SLC26A7: variants seen among roughly 807,000 people sequenced by gnomAD.
SLC26A7 encodes the protein solute carrier family 26 member 7.
Under a neutral mutation model 82.5 loss-of-function variants are expected in SLC26A7, and 59 were observed. That is an observed-to-expected ratio of 0.72 (90% CI 0.58 to 0.89). The LOEUF (loss-of-function observed/expected upper bound fraction) is 0.89. SLC26A7 is among the 40% of genes least tolerant of loss of function. The pLI, the probability that SLC26A7 is intolerant of heterozygous loss-of-function variation, is 0.00. For missense variants in SLC26A7, 820 were observed against 793.0 expected (o/e 1.03, Z -0.41); for synonymous variants, 271 against 274.3 (o/e 0.99, Z 0.12).
intron 2 of SLC26A7, among the ~76,000 whole-genome samples, chr8:91,283,145 A>C (rs186090366): frequency 6.6e-6 from 1 of 152,182 alleles, no homozygotes; most frequent in Non-Finnish European, 1.5e-5. Context: ...ATCTGACTCA[A>C]GATTTTTATC....
At chr8:91,308,990 T>G (rs1224755561) in intron 4 of SLC26A7, among the ~76,000 whole-genome samples, 2 of 152,152 alleles carry the variant, frequency 1.3e-5, no homozygotes, top group African/African-American at 4.8e-5. Context: ...CTGGTTTGTT[T>G]TATTAGAGAA....
chr8:91,257,859 A>T (rs1336138397), intron 2 of SLC26A7, among the ~76,000 whole-genome samples: 2 of 152,010 alleles, frequency 1.3e-5, no homozygotes, highest in African/African-American at 4.8e-5. Context: ...AGACTGGGTA[A>T]TTTATTTAGA....
chr8:91,212,923 A>G (rs1490410348), intron 1 of SLC26A7, among the ~76,000 whole-genome samples: 1 of 152,200 alleles, frequency 6.6e-6, no homozygotes, highest in Non-Finnish European at 1.5e-5. Flanking sequence ...TGTCTTGATT[A>G]CTTTTACTCC....
intron 2 of SLC26A7, among the ~76,000 whole-genome samples, chr8:91,225,476 G>A (rs1037521810): frequency 2.8e-4 from 42 of 151,778 alleles, no homozygotes; most frequent in Non-Finnish European, 4.7e-4. Context: ...TCCTTCTCTC[G>A]TGGGTCTTGC....
At chr8:91,286,781 G>T (rs1391696388) in intron 2 of SLC26A7, among the ~76,000 whole-genome samples, 1 of 152,144 alleles carries the variant, frequency 6.6e-6, no homozygotes, top group African/African-American at 2.4e-5. Flanking sequence ...TTGTGTGAAT[G>T]TGTGTGTATG....
At chr8:91,329,031 C>T (rs1563681799) in intron 5 of SLC26A7, among the ~76,000 whole-genome samples, 1 of 152,068 alleles carries the variant, frequency 6.6e-6, no homozygotes, top group African/African-American at 2.4e-5. Context: ...GGTTAGATAG[C>T]TTACTTATTT....
upstream of SLC26A7, among the ~76,000 whole-genome samples, chr8:91,245,000 A>AT (rs1810525010): frequency 6.6e-6 from 1 of 152,242 alleles, no homozygotes; most frequent in Non-Finnish European, 1.5e-5. Flanking sequence ...AGAACATAGA[A>AT]CTTTGCTCAC....
chr8:91,368,418 T>A (rs1563703392), intron 14 of SLC26A7, among the ~76,000 whole-genome samples: 1 of 151,404 alleles, frequency 6.6e-6, no homozygotes, highest in Non-Finnish European at 1.5e-5. Flanking sequence ...ATGAGGTTTT[T>A]TTTTTTGTTT....
At chr8:91,318,167 T>A in intron 4 of SLC26A7, 49 bp from the exon 5 acceptor site, 1 of 1,527,162 alleles carries the variant, frequency 6.5e-7, no homozygotes, top group Non-Finnish European at 8.9e-7. Flanking sequence ...TCTGGGAACT[T>A]TGGGGAGTTT....
chr8:91,356,789 T>C (rs1813882089), intron 11 of SLC26A7, among the ~76,000 whole-genome samples: 1 of 151,620 alleles, frequency 6.6e-6, no homozygotes, highest in Admixed American at 6.6e-5. Context: ...GTGTTTTTTA[T>C]TCATTATTTT....
At chr8:91,341,666 T>C (rs558525013) in intron 8 of SLC26A7, among the ~76,000 whole-genome samples, 1 of 152,312 alleles carries the variant, frequency 6.6e-6, no homozygotes, top group East Asian at 1.9e-4. Flanking sequence ...GTCTTTCTTT[T>C]ACTCGAAACT....
intron 2 of SLC26A7, among the ~76,000 whole-genome samples, chr8:91,237,399 A>G (rs1810408441): frequency 6.6e-6 from 1 of 152,210 alleles, no homozygotes; most frequent in Non-Finnish European, 1.5e-5. Flanking sequence ...ATGCTTAGCT[A>G]TTACTCCAGT....
At chr8:91,239,473 TG>T (rs1810445213) in intron 2 of SLC26A7, among the ~76,000 whole-genome samples, 1 of 150,170 alleles carries the variant, frequency 6.7e-6, no homozygotes, top group East Asian at 1.9e-4. Flanking sequence ...TGTGTATATA[TG>T]TATATATATG....
At chr8:91,292,045 C>G (rs1245467085) in intron 3 of SLC26A7, among the ~76,000 whole-genome samples, 1 of 152,152 alleles carries the variant, frequency 6.6e-6, no homozygotes, top group African/African-American at 2.4e-5. Context: ...GTGGCTCACA[C>G]CTGTAGTCCC....
intron 6 of SLC26A7, among the ~76,000 whole-genome samples, chr8:91,337,355 C>G (rs892595932): frequency 2.6e-5 from 4 of 152,062 alleles, no homozygotes; most frequent in Non-Finnish European, 5.9e-5. Context: ...TGATGTGCCT[C>G]TTTTACAAGA....
rs79773406 is a variant in SLC26A7, at chr8:91,276,382, T to C, written c.194-12754T>C. ...ACTATTATCTTGCATTCATTTGACA[T>C]TTTTTTACTTTTCAAAGAAGTCATT... On this transcript the variant is annotated intron_variant, in intron 2 of 18. Coordinates refer to ENST00000276609, the MANE Select transcript of SLC26A7 (RefSeq NM_052832.4). Among the ~76,000 whole-genome samples the C allele has an allele frequency of 4.4e-3, 673 of 152,302 alleles. 5 individuals carry two copies. Among genetic ancestry groups the C allele is most frequent in the African/African-American group, 0.016 (655 of 41,566 alleles).
In SLC26A7 at chr8:91,305,558, T is replaced by C. The variant is rs565521898; in HGVS notation, c.477+9855T>C. 2.0e-3 allele frequency among the ~76,000 whole-genome samples: 299 copies of C among 152,302 alleles called. 1 individual carries two copies. The highest frequency in any genetic ancestry group is 3.3e-3 in the Non-Finnish European group (227 of 68,012). ...TGAGCTCATATTTCTTAGACAAATA[T>C]GAAACCAGAGGAGTCAAATTGTCTA... On this transcript the variant is annotated intron_variant, in intron 4 of 18. Coordinates refer to ENST00000276609, the MANE Select transcript of SLC26A7 (RefSeq NM_052832.4).
chr8:91,219,435 C>CAG (rs1810121800), intron 2 of SLC26A7, among the ~76,000 whole-genome samples: 1 of 152,110 alleles, frequency 6.6e-6, no homozygotes, highest in African/African-American at 2.4e-5. Flanking sequence ...CTAATATCTA[C>CAG]TGACCTTCAC....
intron 2 of SLC26A7, among the ~76,000 whole-genome samples, chr8:91,229,579 A>G (rs1015064774): frequency 6.6e-6 from 1 of 152,176 alleles, no homozygotes; most frequent in African/African-American, 2.4e-5. Flanking sequence ...TAAGTTGTAA[A>G]CATCAGTATA....
Sources: gnomAD v4.1 joint callset for allele counts (sites outside exome capture counted in the v4.1 genomes callset) on GRCh38, gnomAD v4.1.1 for gene constraint, MANE v1.5 for transcripts, NCBI Gene and HGNC (gene_info 2026-07-23, HGNC 2026-07-21) for gene names.